The following GPC6 variants were observed in gnomAD, a reference collection of about 807,000 sequenced individuals.
The protein encoded by GPC6 is glypican-6.
A neutral mutation model predicts 55.2 loss-of-function variants in GPC6; 14 were observed. The ratio of observed to expected loss-of-function variants is 0.25; its 90% CI spans 0.17 to 0.40. GPC6 has a LOEUF of 0.40. Ranked by LOEUF, GPC6 falls within the 10% of genes least tolerant of loss-of-function variation. GPC6 has a pLI of 1.00. For synonymous variants in GPC6, 278 were observed against 259.6 expected (o/e 1.07, Z -0.68); for missense variants, 641 against 708.5 (o/e 0.90, Z 1.08).
At position 93,957,415 on chromosome 13, in the gene GPC6, C is replaced by T. The variant is rs11839549; in HGVS notation, c.712-70314C>T. The stretch of plus-strand genomic sequence containing the variant: ...ACTAGTCGGCAGTGACCATTGTTCC[C>T]GTAATTATGTCCATGTGTGCCCAAT... On this transcript the variant is annotated intron_variant, in intron 3 of 8. Coordinates refer to ENST00000377047, the MANE Select transcript of GPC6 (RefSeq NM_005708.5). Among the ~76,000 whole-genome samples the T allele has an allele frequency of 7.8e-3, 1,194 of 152,174 alleles. 17 individuals carry two copies. Among genetic ancestry groups the T allele is most frequent in the African/African-American group, 0.027 (1,138 of 41,520 alleles).
intron 3 of GPC6, among the ~76,000 whole-genome samples, chr13:93,866,301 C>A (rs1888962109): frequency 6.6e-6 from 1 of 151,704 alleles, no homozygotes; most frequent in African/African-American, 2.4e-5. Context: ...GAACACAAAA[C>A]CGATTCATGA....
At chr13:93,811,109 G>C (rs1204841014) in intron 2 of GPC6, among the ~76,000 whole-genome samples, 1 of 152,142 alleles carries the variant, frequency 6.6e-6, no homozygotes, top group African/African-American at 2.4e-5. Flanking sequence ...ATGGTGGATG[G>C]GCACAGATTC....
chr13:93,596,842 A>G (rs577610008), intron 2 of GPC6, among the ~76,000 whole-genome samples: 1 of 149,184 alleles, frequency 6.7e-6, no homozygotes, highest in Non-Finnish European at 1.5e-5. Flanking sequence ...CTGTATATAT[A>G]TAAAATTTAT....
Position 94,186,113 on chromosome 13 carries a change from A to G in GPC6, c.878-100236A>G, listed in dbSNP as rs373815157. Among the ~76,000 whole-genome samples the G allele has an allele frequency of 4.0e-5, 6 of 150,786 alleles. No homozygotes were observed. The East Asian group carries it at 9.8e-4, about 25-fold the overall frequency. On this transcript the variant is annotated intron_variant, in intron 4 of 8. Transcript: ENST00000377047. ...TTACTGAGAAATTATTTTAAGATATATGTTCACATAGACCTTTCCAGAAGA... is the reference window on the plus strand; with the variant it reads ...TTACTGAGAAATTATTTTAAGATATGTGTTCACATAGACCTTTCCAGAAGA...
chr13:94,230,037 T>C (rs1344331036), intron 4 of GPC6, among the ~76,000 whole-genome samples: 1 of 152,140 alleles, frequency 6.6e-6, no homozygotes, highest in Non-Finnish European at 1.5e-5. Flanking sequence ...GCAGACAGAT[T>C]CGTGGGCTGA....
chr13:94,336,301 G>T (rs928510977), intron 6 of GPC6, among the ~76,000 whole-genome samples: 1 of 151,972 alleles, frequency 6.6e-6, no homozygotes, highest in African/African-American at 2.4e-5. Flanking sequence ...AACCAAGCAG[G>T]GTGTGAACTA....
chr13:93,480,114 C>A (rs1173504979), intron 1 of GPC6, among the ~76,000 whole-genome samples: 1 of 152,162 alleles, frequency 6.6e-6, no homozygotes, highest in Non-Finnish European at 1.5e-5. Context: ...AGCAGTGTTA[C>A]TTTAATTCCC....
chr13:93,289,005 T>C (rs959644505), intron 1 of GPC6, among the ~76,000 whole-genome samples: 2 of 152,170 alleles, frequency 1.3e-5, no homozygotes, highest in African/African-American at 2.4e-5. Context: ...AATCTGAATA[T>C]GGTCTTTTCA....
Position 93,429,458 on chromosome 13 carries a change from G to C in GPC6, c.161-115805G>C, listed in dbSNP as rs1464151283. Among the ~76,000 whole-genome samples the C allele has an allele frequency of 2.6e-5, 4 of 152,138 alleles. No homozygotes were observed. The East Asian group carries it at 7.7e-4, about 29-fold the overall frequency. On this transcript the variant is annotated intron_variant, in intron 1 of 8. Coordinates refer to ENST00000377047, the MANE Select transcript of GPC6 (RefSeq NM_005708.5). ...CTTTTTGGGATAGTCCAGTGAGTGA[G>C]GCAAACATTTCAGCTTGTGATTATT...
At chr13:93,307,818 C>G (rs1443405368) in intron 1 of GPC6, among the ~76,000 whole-genome samples, 2 of 151,870 alleles carry the variant, frequency 1.3e-5, no homozygotes, top group African/African-American at 2.4e-5. Context: ...TGAAAAATGC[C>G]AAGAGAGTGA....
Position 94,403,424 on chromosome 13 carries a change from C to T in GPC6, c.*207C>T. 1 of 607,054 alleles carries T rather than the reference C, an allele frequency of 1.6e-6. No individual in the cohort carries two copies. Among genetic ancestry groups the T allele is most frequent in the South Asian group, 1.8e-5 (1 of 54,204 alleles). 37.6% of individuals were successfully genotyped at this position (607,054 alleles called of 1,614,324 possible). The stretch of plus-strand genomic sequence containing the variant: ...ACTGCTTCCTCTTTCCTTCAGCTAT[C>T]TGTGGGGACCTTGTTTATTCTAGAG... On this transcript the variant is annotated 3_prime_UTR_variant, in exon 9 of 9. Transcript: ENST00000377047.
intron 1 of GPC6, among the ~76,000 whole-genome samples, chr13:93,446,710 A>G (rs1878018464): frequency 6.6e-6 from 1 of 152,178 alleles, no homozygotes; most frequent in South Asian, 2.1e-4. Context: ...TGTGACTGAA[A>G]GATATGTAGA....
chr13:94,145,766 A>T (rs1887541924), intron 4 of GPC6, among the ~76,000 whole-genome samples: 1 of 152,202 alleles, frequency 6.6e-6, no homozygotes. Context: ...AGTCATACTT[A>T]TAAATAAGTG....
At chr13:93,328,351 GTTGT>G (rs932562378) in intron 1 of GPC6, among the ~76,000 whole-genome samples, 9 of 152,090 alleles carry the variant, frequency 5.9e-5, no homozygotes, top group Non-Finnish European at 1.3e-4. Flanking sequence ...GGTTACCTTG[GTTGT>G]TTGTCTTAAT....
At chr13:94,084,763 G>T (rs1016295931) in intron 4 of GPC6, among the ~76,000 whole-genome samples, 3 of 152,120 alleles carry the variant, frequency 2.0e-5, no homozygotes, top group African/African-American at 7.2e-5. Context: ...TTATTTGGTA[G>T]CAGAAGAAAA....
At chr13:94,090,810 G>A (rs1003322736) in intron 4 of GPC6, among the ~76,000 whole-genome samples, 1 of 152,106 alleles carries the variant, frequency 6.6e-6, no homozygotes, top group Non-Finnish European at 1.5e-5. Context: ...GACCCCAGCT[G>A]TCTGTCTCTA....
chr13:93,488,247 G>T (rs748954344), intron 1 of GPC6, among the ~76,000 whole-genome samples: 1 of 152,068 alleles, frequency 6.6e-6, no homozygotes, highest in Non-Finnish European at 1.5e-5. Flanking sequence ...GCGATAGTTT[G>T]CTCATAATGA....
At chr13:93,797,896 A>G (rs1039971671) in intron 2 of GPC6, among the ~76,000 whole-genome samples, 10 of 152,174 alleles carry the variant, frequency 6.6e-5, no homozygotes, top group African/African-American at 2.4e-4. Flanking sequence ...AACAAAGGTT[A>G]CAATTTTGTT....
At chr13:93,719,235 A>G (rs1202199959) in intron 2 of GPC6, among the ~76,000 whole-genome samples, 1 of 151,672 alleles carries the variant, frequency 6.6e-6, no homozygotes. Flanking sequence ...TTTTTCCATT[A>G]GTTTGTGTCC....
Sources: gnomAD v4.1 joint callset for allele counts (sites outside exome capture counted in the v4.1 genomes callset) on GRCh38, gnomAD v4.1.1 for gene constraint, MANE v1.5 for transcripts, NCBI Gene and HGNC (gene_info 2026-07-23, HGNC 2026-07-21) for gene names.